The following PCF11 variants were observed in gnomAD, a reference collection of about 807,000 sequenced individuals.
PCF11 encodes the protein pre-mRNA cleavage complex 2 protein Pcf11.
A neutral mutation model predicts 166.1 loss-of-function variants in PCF11; 19 were observed. That is an observed-to-expected ratio of 0.11 (90% CI 0.08 to 0.17). The LOEUF is 0.17. Ranked by LOEUF, PCF11 falls within the 10% of genes least tolerant of loss-of-function variation. The pLI, the probability that PCF11 is intolerant of heterozygous loss-of-function variation, is 1.00. For synonymous variants in PCF11, 663 were observed against 644.1 expected (o/e 1.03, Z -0.44); for missense variants, 1,565 against 1,855.5 (o/e 0.84, Z 2.88).
exon 8 of PCF11, chr11:83,168,600 T>C (rs748520746): frequency 6.2e-7 from 1 of 1,613,858 alleles, no homozygotes; most frequent in Non-Finnish European, 8.5e-7. Context: ...TTGATGGACC[T>C]AGTAGGCCAT....
exon 4 of PCF11, chr11:83,164,258 A>G (rs1464096012): frequency 1.2e-5 from 20 of 1,613,382 alleles, no homozygotes; most frequent in Non-Finnish European, 1.7e-5. Context: ...TAGCATCTCC[A>G]CTCCTCCAAT....
In PCF11 at chr11:83,182,507, T is replaced by C. The variant is rs1273787170; in HGVS notation, c.4416+16T>C. The C allele has an allele frequency of 8.1e-7, 1 of 1,231,312 alleles. No homozygotes were observed. Among genetic ancestry groups the C allele is most frequent in the Admixed American group, 1.7e-5 (1 of 57,384 alleles). 76.3% of individuals were successfully genotyped at this position (1,231,312 alleles called of 1,614,324 possible). ...AGATGGAAAGGTAATTTTCATTTCT[T>C]TATAAGGAAGTGTTAAGATTAGTGT... On this transcript the variant is annotated intron_variant, in intron 14 of 15. Coordinates refer to ENST00000298281, the Ensembl canonical transcript of PCF11.
chr11:83,166,527 G>T, exon 5 of PCF11: 1 of 1,613,912 alleles, frequency 6.2e-7, no homozygotes, highest in Non-Finnish European at 8.5e-7. Context: ...AGACAGAAAT[G>T]CTAAGAGAAG....
At chr11:83,177,243 A>G (rs1338977411) in intron 10 of PCF11, 39 bp downstream of exon 10, 24 of 1,472,200 alleles carry the variant, frequency 1.6e-5, no homozygotes, top group Non-Finnish European at 2.1e-5. Flanking sequence ...ACAAAGCTTC[A>G]TTAAGTTTTT....
intron 11 of PCF11, among the ~76,000 whole-genome samples, chr11:83,179,434 G>A (rs745646751): frequency 2.0e-5 from 3 of 151,954 alleles, no homozygotes; most frequent in Non-Finnish European, 2.9e-5. Context: ...ATTTTTAGTA[G>A]AGATGGGGTT....
chr11:83,187,002 AAG>A (rs1322794350), exon 16 of PCF11: 7 of 152,562 alleles, frequency 4.6e-5, no homozygotes, highest in African/African-American at 7.2e-5. Context: ...GAAGGTCAAA[AAG>A]AAAATGGGAA....
chr11:83,177,830 T>C lies in PCF11; in HGVS notation c.3983+11T>C. The C allele has an allele frequency of 7.6e-7, 1 of 1,311,424 alleles. No homozygotes were observed. Among genetic ancestry groups the C allele is most frequent in the South Asian group, 1.4e-5 (1 of 71,048 alleles). 81.2% of individuals were successfully genotyped at this position (1,311,424 alleles called of 1,614,324 possible). A position where few individuals can be genotyped will look rare whatever the true frequency, so the allele number is the denominator to read the frequency against. ...TGAAGAATTGAAACAGTATGTAATC[T>C]AATTTTCTTTAAGATAAAGAGGCAG... On this transcript the variant is annotated intron_variant, in intron 11 of 15. Transcript: ENST00000298281.
chr11:83,163,237 A>G (rs180679271), intron 2 of PCF11, among the ~76,000 whole-genome samples: 3 of 152,368 alleles, frequency 2.0e-5, no homozygotes, highest in Non-Finnish European at 4.4e-5. Flanking sequence ...ATTGCTGAGC[A>G]TTAGTTAGTG....
At chr11:83,157,498 G>A in exon 1 of PCF11, 1 of 1,613,694 alleles carries the variant, frequency 6.2e-7, no homozygotes, top group South Asian at 1.1e-5. Flanking sequence ...GACGCCTGTC[G>A]GGATTATCAG....
At chr11:83,159,988 A>C (rs1460384516) in intron 1 of PCF11, among the ~76,000 whole-genome samples, 1 of 152,210 alleles carries the variant, frequency 6.6e-6, no homozygotes, top group Non-Finnish European at 1.5e-5. Context: ...TGACATGGTA[A>C]GGTAAAGACA....
chr11:83,165,769 A>G (rs763193684), exon 5 of PCF11: 2 of 1,613,362 alleles, frequency 1.2e-6, no homozygotes, highest in South Asian at 2.2e-5. Flanking sequence ...CAGGATTTAA[A>G]AGGAACTAAC....
intron 5 of PCF11, among the ~76,000 whole-genome samples, 186 bp from the exon 6 acceptor site, chr11:83,166,939 C>G (rs1368060843): frequency 6.6e-6 from 1 of 152,130 alleles, no homozygotes; most frequent in African/African-American, 2.4e-5. Context: ...CCAGGACATG[C>G]AAGAATCAGA....
exon 1 of PCF11, chr11:83,157,152 C>T (rs916664330): frequency 1.1e-5 from 6 of 571,110 alleles, no homozygotes; most frequent in Admixed American, 3.1e-5. Context: ...CGGTTGGGAA[C>T]ACAGACATTT....
chr11:83,177,173 C>G, exon 10 of PCF11: 1 of 1,570,472 alleles, frequency 6.4e-7, no homozygotes. Context: ...CAGGAATTCT[C>G]AAATTGTCCC....
chr11:83,169,922 A>G lies in PCF11; in HGVS notation c.3587A>G (p.Gln1196Arg), dbSNP rs771966166. ...CACTATTTTGATGAAAAAAATCTTC[A>G]GAGTTCTCAATTTGGAAACTTTGGC... Residue 1196 changes from glutamine (Q) to arginine (R), a missense_variant, in exon 8 of 16, where the codon CAG becomes CGG. Coordinates refer to ENST00000298281, the Ensembl canonical transcript of PCF11. 6 of 1,609,298 alleles carry G rather than the reference A, an allele frequency of 3.7e-6. No homozygotes were observed. The South Asian group carries it at 6.7e-5, about 18-fold the overall frequency.
intron 14 of PCF11, 134 bp downstream of exon 14, chr11:83,182,625 T>C (rs545869621): frequency 1.7e-4 from 105 of 602,358 alleles, no homozygotes; most frequent in South Asian, 3.0e-4. Flanking sequence ...TATTGGACTT[T>C]AGTAATAGAA....
At chr11:83,160,375 T>C (rs1860197929) in intron 1 of PCF11, among the ~76,000 whole-genome samples, 1 of 140,956 alleles carries the variant, frequency 7.1e-6, no homozygotes, top group Non-Finnish European at 1.5e-5. Context: ...TCATGGGTGC[T>C]CCTTTGGAGT....
At chr11:83,169,789 T>C in exon 8 of PCF11, 1 of 1,613,804 alleles carries the variant, frequency 6.2e-7, no homozygotes, top group Non-Finnish European at 8.5e-7. Context: ...AGGACTACAG[T>C]TCCAAAGACA....
chr11:83,184,892 TAAATA>T (rs1565165305), exon 16 of PCF11: 2 of 1,536,240 alleles, frequency 1.3e-6, no homozygotes, highest in Non-Finnish European at 1.7e-6. Context: ...CGAGTCAGTT[TAAATA>T]AAATGAGAAA....
Sources: allele counts gnomAD v4.1 joint callset (sites outside exome capture counted in the v4.1 genomes callset), GRCh38; gene constraint gnomAD v4.1.1; transcripts MANE v1.5; gene names NCBI Gene and HGNC (gene_info 2026-07-23, HGNC 2026-07-21).